PTPRD: variants seen among roughly 807,000 people sequenced by gnomAD.
The protein encoded by PTPRD is protein tyrosine phosphatase receptor type D.
Under a neutral mutation model 214.5 loss-of-function variants are expected in PTPRD, and 34 were observed. The observed-to-expected ratio is 0.16, with a 90% confidence interval of 0.12 to 0.21. The LOEUF is 0.21. Among genes scored for constraint, PTPRD ranks in the 10% least tolerant of loss-of-function variants. The pLI is 1.00. For synonymous variants in PTPRD, 1,128 were observed against 845.7 expected, an observed-to-expected ratio of 1.33 and a Z score of -5.79; for missense variants, 2,545 against 2,398.7, an observed-to-expected ratio of 1.06 and a Z score of -1.27.
At chr9:9,875,283 G>A (rs1565931976) in intron 5 of PTPRD, among the ~76,000 whole-genome samples, 1 of 151,984 alleles carries the variant, frequency 6.6e-6, no homozygotes, top group Non-Finnish European at 1.5e-5. Context: ...TAATAATGCA[G>A]TTAGGTACTG....
intron 7 of PTPRD, among the ~76,000 whole-genome samples, chr9:9,725,967 A>G (rs1188505660): frequency 3.3e-5 from 5 of 152,160 alleles, no homozygotes; most frequent in African/African-American, 9.7e-5. Context: ...AGACAAGACA[A>G]ATCCCAACCA....
intron 2 of PTPRD, among the ~76,000 whole-genome samples, chr9:10,405,923 A>C (rs2098348197): frequency 6.6e-6 from 1 of 151,490 alleles, no homozygotes; most frequent in African/African-American, 2.4e-5. Context: ...TCAAGTGTTG[A>C]GTTCTACAGC....
At chr9:8,880,075 G>A (rs116903780) in intron 11 of PTPRD, among the ~76,000 whole-genome samples, 1 of 152,290 alleles carries the variant, frequency 6.6e-6, no homozygotes, top group East Asian at 1.9e-4. Flanking sequence ...GGTCTGAAAT[G>A]TAGCCTTTCA....
At chr9:9,052,978 T>A (rs1299751806) in intron 10 of PTPRD, among the ~76,000 whole-genome samples, 1 of 152,214 alleles carries the variant, frequency 6.6e-6, no homozygotes, top group Non-Finnish European at 1.5e-5. Flanking sequence ...ACTCATGTGA[T>A]GAGCTAAATG....
chr9:9,901,861 G>A (rs1262492125), intron 5 of PTPRD, among the ~76,000 whole-genome samples: 1 of 152,144 alleles, frequency 6.6e-6, no homozygotes, highest in East Asian at 1.9e-4. Flanking sequence ...GCAAGAGCAG[G>A]GGGAAGTGCT....
At chr9:9,362,260 C>A (rs1222140361) in intron 9 of PTPRD, among the ~76,000 whole-genome samples, 2 of 151,062 alleles carry the variant, frequency 1.3e-5, no homozygotes, top group Non-Finnish European at 3.0e-5. Flanking sequence ...GTATTTATGA[C>A]TTTTTGAGAA....
chr9:8,732,492 T>A (rs1308229433), intron 12 of PTPRD, among the ~76,000 whole-genome samples: 2 of 152,224 alleles, frequency 1.3e-5, no homozygotes, highest in African/African-American at 4.8e-5. Context: ...AAAATAAGCT[T>A]TGACATAAAT....
rs1231721219 is a variant in PTPRD, at chr9:9,452,185, A to C, written c.-236-54703T>G. ...CAAAATAGAAAGGATAAATCAACTT[A>C]AGATGTGTCATTTAAACCAATAACT... On this transcript the variant is annotated intron_variant, in intron 8 of 45. Coordinates refer to ENST00000381196, the MANE Select transcript of PTPRD (RefSeq NM_002839.4). Among the ~76,000 whole-genome samples, 6 of 151,594 alleles carry C rather than the reference A, an allele frequency of 4.0e-5. No homozygotes were observed. The South Asian group carries it at 8.3e-4, about 21-fold the overall frequency.
At chr9:10,255,177 A>C (rs2093149165) in intron 3 of PTPRD, among the ~76,000 whole-genome samples, 1 of 152,232 alleles carries the variant, frequency 6.6e-6, no homozygotes, top group Non-Finnish European at 1.5e-5. Flanking sequence ...GATTTAAAAT[A>C]GGGTCAAGTG....
intron 7 of PTPRD, among the ~76,000 whole-genome samples, chr9:9,642,684 G>A (rs945446205): frequency 6.6e-6 from 1 of 152,182 alleles, no homozygotes; most frequent in Non-Finnish European, 1.5e-5. Context: ...ACTCAGATAT[G>A]TGTTGGTTCT....
Position 9,403,290 on chromosome 9 carries a change from C to CA in PTPRD, c.-236-5809dup, listed in dbSNP as rs56105335. Among the ~76,000 whole-genome samples the CA allele has an allele frequency of 2.2e-3, 133 of 60,620 alleles. 3 individuals are homozygous for CA. The South Asian group carries it at 0.025, about 12-fold the overall frequency. 39.8% of individuals were successfully genotyped at this position (60,620 alleles called of 152,430 possible). On this transcript the variant is annotated intron_variant, in intron 8 of 45. Coordinates refer to ENST00000381196, the MANE Select transcript of PTPRD (RefSeq NM_002839.4). ...TAGGCGACAGAGGAATACTCTGTCT[C>CA]AAAAAAAAAAAAAAAAAAAAACCAA...
intron 7 of PTPRD, among the ~76,000 whole-genome samples, chr9:9,670,255 T>C (rs1182993069): frequency 6.6e-6 from 1 of 151,972 alleles, no homozygotes; most frequent in East Asian, 1.9e-4. Flanking sequence ...CCAAATCTCA[T>C]CTTTGAACTT....
chr9:9,848,962 A>G (rs1403003622), intron 5 of PTPRD, among the ~76,000 whole-genome samples: 1 of 151,962 alleles, frequency 6.6e-6, no homozygotes, highest in Non-Finnish European at 1.5e-5. Context: ...GAATAATCCA[A>G]CATACTTCCT....
At position 10,098,181 on chromosome 9, in the gene PTPRD, A is replaced by G. The variant is rs568976356; in HGVS notation, c.-544-64391T>C. 2.1e-3 allele frequency among the ~76,000 whole-genome samples: 323 copies of G among 151,918 alleles called. 2 individuals carry two copies. Among genetic ancestry groups the G allele is most frequent in the African/African-American group, 5.8e-3 (242 of 41,474 alleles). ...TGGAGCCATAAAAAATGATGAGTTC[A>G]TGTCCTTTGTAGGGACATGGATGAA... On this transcript the variant is annotated intron_variant, in intron 3 of 45. Coordinates refer to ENST00000381196, the MANE Select transcript of PTPRD (RefSeq NM_002839.4).
At chr9:9,955,221 A>G (rs1346320575) in intron 4 of PTPRD, among the ~76,000 whole-genome samples, 1 of 152,204 alleles carries the variant, frequency 6.6e-6, no homozygotes, top group Non-Finnish European at 1.5e-5. Context: ...TGAAATTGAT[A>G]AAGAACAAAT....
At chr9:10,333,907 T>C (rs557355863) in intron 3 of PTPRD, among the ~76,000 whole-genome samples, 58 of 151,960 alleles carry the variant, frequency 3.8e-4, no homozygotes, top group African/African-American at 1.3e-3. Flanking sequence ...AGAACATTTA[T>C]ACTTTCTGTT....
At chr9:9,844,131 T>C (rs941211209) in intron 5 of PTPRD, among the ~76,000 whole-genome samples, 12 of 152,052 alleles carry the variant, frequency 7.9e-5, no homozygotes, top group Non-Finnish European at 1.8e-4. Context: ...TTGATTTTTT[T>C]CATTGTTTAC....
At chr9:8,528,325 A>T (rs755747853) in intron 15 of PTPRD, 1 of 489,608 alleles carries the variant, frequency 2.0e-6, no homozygotes, top group Non-Finnish European at 3.6e-6. Flanking sequence ...GCAGTAAATT[A>T]AAAAATTACC....
chr9:9,791,826 AT>A (rs1401138362), intron 5 of PTPRD, among the ~76,000 whole-genome samples: 1 of 152,148 alleles, frequency 6.6e-6, no homozygotes, highest in African/African-American at 2.4e-5. Context: ...AAGCTATCCA[AT>A]TTCTAAATAG....
Sources: allele counts gnomAD v4.1 joint callset (sites outside exome capture counted in the v4.1 genomes callset), GRCh38; gene constraint gnomAD v4.1.1; transcripts MANE v1.5; gene names NCBI Gene and HGNC (gene_info 2026-07-23, HGNC 2026-07-21).